Variants in TJP2 observed in about 807,000 individuals in gnomAD.
TJP2 encodes the protein Friedreich ataxia region gene X104 (tight junction protein ZO-2).
In TJP2, 91 loss-of-function variants were observed where a neutral mutation model predicts 133.1. The observed-to-expected ratio is 0.68, with a 90% CI of 0.58 to 0.81. TJP2 has a LOEUF of 0.81. Among genes scored for constraint, TJP2 ranks in the 40% least tolerant of loss-of-function variants. The probability of loss-of-function intolerance (pLI) is 0.00; values close to 1 mark genes in which losing one functional copy is unlikely to be tolerated. For synonymous variants in TJP2, 592 were observed against 583.4 expected, an observed-to-expected ratio of 1.01 and a Z score of -0.21; for missense variants, 1,541 against 1,565.6, an observed-to-expected ratio of 0.98 and a Z score of 0.26.
At chr9:69,195,278 G>T (rs1484047083) in intron 1 of TJP2, among the ~76,000 whole-genome samples, 1 of 152,160 alleles carries the variant, frequency 6.6e-6, no homozygotes, top group Non-Finnish European at 1.5e-5. Context: ...ACAGGGCTGT[G>T]CCTGTGTTGC....
chr9:69,159,277 C>T (rs746695704), intron 2 of TJP2, among the ~76,000 whole-genome samples: 15 of 151,982 alleles, frequency 9.9e-5, no homozygotes, highest in Non-Finnish European at 1.8e-4. Context: ...GCCAAGATTA[C>T]GCCACTGTAC....
intron 1 of TJP2, among the ~76,000 whole-genome samples, chr9:69,128,441 G>A (rs1268403502): frequency 2.0e-5 from 3 of 151,772 alleles, no homozygotes; most frequent in African/African-American, 4.8e-5. Flanking sequence ...TTTTAACCAC[G>A]CTAGTTGGTG....
intron 11 of TJP2, 124 bp from the exon 12 acceptor site, chr9:69,234,315 C>A (rs1830002074): frequency 2.6e-6 from 2 of 780,734 alleles, no homozygotes; most frequent in Admixed American, 2.8e-5. Flanking sequence ...TCTGGACAGG[C>A]CCTGATGAAA....
chr9:69,252,573 C>T (rs1405156410), intron 21 of TJP2, among the ~76,000 whole-genome samples: 1 of 152,148 alleles, frequency 6.6e-6, no homozygotes, highest in Non-Finnish European at 1.5e-5. Context: ...ATGATGTCCT[C>T]AAGGTTCATC....
At chr9:69,197,196 A>T (rs937812798) in intron 1 of TJP2, among the ~76,000 whole-genome samples, 2 of 152,112 alleles carry the variant, frequency 1.3e-5, no homozygotes, top group Admixed American at 1.3e-4. Flanking sequence ...AACTCAAGTG[A>T]TCCACCTGCC....
At chr9:69,228,185 A>G in intron 9 of TJP2, 71 bp downstream of exon 9, 2 of 1,547,048 alleles carry the variant, frequency 1.3e-6, no homozygotes, top group Non-Finnish European at 1.8e-6. Context: ...CATAACAAAG[A>G]GTGAAATCAT....
chr9:69,238,877 T>A, intron 16 of TJP2, 88 bp downstream of exon 16: 1 of 1,136,076 alleles, frequency 8.8e-7, no homozygotes, highest in Non-Finnish European at 1.3e-6. Flanking sequence ...TCTGTACTTT[T>A]AATCATTAAA....
Position 69,216,382 on chromosome 9 carries a change from A to G in TJP2, c.158A>G (p.Asp53Gly), listed in dbSNP as rs2133238245. Residue 53 changes from aspartate (D) to glycine (G), a missense_variant, in exon 3 of 23, where the codon GAC (aspartate) becomes GGC (glycine). By Grantham distance (94) the Asp-to-Gly change is moderately conservative (BLOSUM62 -1). Transcript: ENST00000377245. ...GFGIAVSGGR[D>G]NPHFENGETS... ...GGAATTGCAGTGTCCGGAGGCAGAG[A>G]CAACCCCCACTTTGAAAATGGAGAA... is the stretch of plus-strand genomic sequence containing the variant. 6.2e-7 allele frequency: 1 copy of G among 1,614,158 alleles called. No individual in the cohort carries two copies. Among genetic ancestry groups the G allele is most frequent in the Non-Finnish European group, 8.5e-7 (1 of 1,180,026 alleles).
chr9:69,121,842 G>T (rs1322902534), intron 1 of TJP2: 2 of 152,408 alleles, frequency 1.3e-5, no homozygotes, highest in Non-Finnish European at 2.9e-5. Context: ...CTTCCCTCCT[G>T]TCCCGACTTT....
Position 69,234,394 on chromosome 9 carries a change from CTTTCT to C in TJP2, c.1672-41_1672-37del, listed in dbSNP as rs764662709. ...TTTTTCTTTCTTTCTTTCTTTCTTT[CTTTCT>C]TTTTTTTTTTTTTCTTTTTCTGTTT... is the stretch of plus-strand genomic sequence containing the variant. On this transcript the variant is annotated intron_variant, in intron 11 of 22. Coordinates refer to ENST00000377245, the MANE Select transcript of TJP2 (RefSeq NM_004817.4). 5.8e-3 allele frequency: 7,518 copies of C among 1,291,754 alleles called. 8 individuals are homozygous for C. Among genetic ancestry groups the C allele is most frequent in the Non-Finnish European group, 6.4e-3 (5,995 of 931,030 alleles). 80.0% of individuals were successfully genotyped at this position (1,291,754 alleles called of 1,614,324 possible).
chr9:69,250,089 C>T (rs1227512517), intron 20 of TJP2, among the ~76,000 whole-genome samples: 1 of 152,118 alleles, frequency 6.6e-6, no homozygotes, highest in African/African-American at 2.4e-5. Flanking sequence ...CTATTTAACT[C>T]AATAATTTAT....
chr9:69,247,141 G>A (rs1425673249), intron 18 of TJP2, among the ~76,000 whole-genome samples: 3 of 152,180 alleles, frequency 2.0e-5, no homozygotes, highest in African/African-American at 7.2e-5. Flanking sequence ...GTGAGGTTGA[G>A]CAACTTGGAG....
intron 1 of TJP2, among the ~76,000 whole-genome samples, chr9:69,192,232 C>T (rs775160543): frequency 6.6e-6 from 1 of 151,438 alleles, no homozygotes; most frequent in African/African-American, 2.4e-5. Flanking sequence ...AGGATTGCTC[C>T]AGCCCAGAAG....
intron 5 of TJP2, among the ~76,000 whole-genome samples, chr9:69,223,933 T>C (rs892282260): frequency 1.3e-5 from 2 of 152,274 alleles, no homozygotes; most frequent in African/African-American, 4.8e-5. Flanking sequence ...TTTGTAATTA[T>C]AAGATTTTTA....
chr9:69,214,441 C>G (rs1356870925), intron 2 of TJP2, among the ~76,000 whole-genome samples: 1 of 152,148 alleles, frequency 6.6e-6, no homozygotes. Flanking sequence ...TCTATGCTCA[C>G]CATTGTGCAT....
intron 17 of TJP2, 113 bp from the exon 18 acceptor site, chr9:69,246,577 C>G (rs1830941548): frequency 1.1e-6 from 1 of 877,682 alleles, no homozygotes; most frequent in Non-Finnish European, 1.9e-6. Context: ...CATCTTCTTG[C>G]GTCTGCCATA....
At position 69,125,773 on chromosome 9, in the gene TJP2, T is replaced by C. The variant is rs1328169549; in HGVS notation, c.-131+4048T>C. Among the ~76,000 whole-genome samples, 3 of 77,388 alleles carry C rather than the reference T, an allele frequency of 3.9e-5. 1 individual carries two copies. Among genetic ancestry groups the C allele is most frequent in the Non-Finnish European group, 8.9e-5 (3 of 33,574 alleles). The allele number at this position is 77,388 out of a possible 152,430, so 50.8% of individuals were successfully genotyped here. ...AAAATTAACAATAGTTTCTTCCTTATAATTAGGTAGACAGTTCAAGTTTGG... is the reference window on the plus strand; with the variant it reads ...AAAATTAACAATAGTTTCTTCCTTACAATTAGGTAGACAGTTCAAGTTTGG... On this transcript the variant is annotated intron_variant, in intron 1 of 5. Transcript: ENST00000423935.
At chr9:69,167,116 T>C (rs1824400144) in intron 2 of TJP2, among the ~76,000 whole-genome samples, 1 of 151,680 alleles carries the variant, frequency 6.6e-6, no homozygotes. Context: ...TGGCACATGT[T>C]TGTAATCCCA....
intron 1 of TJP2, among the ~76,000 whole-genome samples, chr9:69,142,943 G>C (rs986442190): frequency 6.6e-6 from 1 of 152,138 alleles, no homozygotes; most frequent in Non-Finnish European, 1.5e-5. Context: ...ATAATTTCTA[G>C]AATTATGAAG....
Sources: allele counts gnomAD v4.1 joint callset (sites outside exome capture counted in the v4.1 genomes callset), GRCh38; gene constraint gnomAD v4.1.1; transcripts MANE v1.5; gene names NCBI Gene and HGNC (gene_info 2026-07-23, HGNC 2026-07-21).